KANK1: variants seen among roughly 807,000 people sequenced by gnomAD.
KANK1 encodes KN motif and ankyrin repeat domain-containing protein 1.
In KANK1, 109 loss-of-function variants were observed where a neutral mutation model predicts 106.2. That is an observed-to-expected ratio of 1.03 (90% CI 0.88 to 1.20). The LOEUF is 1.20. KANK1 is among the 50% of genes most tolerant of loss of function. The probability of loss-of-function intolerance (pLI) is 0.00; values close to 1 mark genes in which losing one functional copy is unlikely to be tolerated. For missense variants in KANK1, 2,399 were observed against 1,710.7 expected, an observed-to-expected ratio of 1.40 and a Z score of -7.10; for synonymous variants, 873 against 652.2, an observed-to-expected ratio of 1.34 and a Z score of -5.16.
intron 1 of KANK1, among the ~76,000 whole-genome samples, chr9:588,507 G>C (rs1824058670): frequency 6.6e-6 from 1 of 151,890 alleles, no homozygotes; most frequent in Non-Finnish European, 1.5e-5. Context: ...GGCCACACCA[G>C]TTTATAATCT....
At chr9:502,617 G>A (rs2058577081), upstream of KANK1, among the ~76,000 whole-genome samples, 4 of 151,722 alleles carry the variant, frequency 2.6e-5, no homozygotes, top group South Asian at 6.3e-4. Context: ...TCAGCTTCCC[G>A]GGTTCAAGGA....
chr9:744,387 G>A, intron 10 of KANK1, 104 bp from the exon 11 acceptor site: 1 of 1,327,376 alleles, frequency 7.5e-7, no homozygotes, highest in Non-Finnish European at 1.0e-6. Flanking sequence ...AGGGATATTT[G>A]GGGAACCTTG....
At chr9:718,935 T>C (rs894601543) in intron 3 of KANK1, among the ~76,000 whole-genome samples, 9 of 147,838 alleles carry the variant, frequency 6.1e-5, no homozygotes, top group African/African-American at 2.3e-4. Context: ...GCTTAAAGAG[T>C]GAATTCATGC....
At chr9:477,446 A>C (rs573910621) in intron 3 of KANK1, among the ~76,000 whole-genome samples, 1 of 152,338 alleles carries the variant, frequency 6.6e-6, no homozygotes, top group East Asian at 1.9e-4. Context: ...GGGTCAGAAC[A>C]ATGAACCTGA....
At chr9:471,151 G>C (rs1043985954) in intron 2 of KANK1, among the ~76,000 whole-genome samples, 3 of 152,216 alleles carry the variant, frequency 2.0e-5, no homozygotes, top group Admixed American at 1.3e-4. Context: ...CCCTGGATCT[G>C]ATCATCAATT....
At chr9:604,652 C>T (rs771222741) in intron 1 of KANK1, among the ~76,000 whole-genome samples, 16 of 151,650 alleles carry the variant, frequency 1.1e-4, no homozygotes, top group Non-Finnish European at 2.2e-4. Context: ...GCCAACATGG[C>T]GAAACCTGTC....
upstream of KANK1, among the ~76,000 whole-genome samples, chr9:501,609 G>GAC (rs1279436002): frequency 8.8e-5 from 11 of 125,266 alleles, no homozygotes; most frequent in Non-Finnish European, 1.2e-4. Context: ...CCCACGCACA[G>GAC]ACATACACAC....
At chr9:690,444 T>A (rs1195886907) in intron 2 of KANK1, among the ~76,000 whole-genome samples, 1 of 152,106 alleles carries the variant, frequency 6.6e-6, no homozygotes, top group Non-Finnish European at 1.5e-5. Flanking sequence ...TGACATAAGC[T>A]TCATCTGTAA....
chr9:699,928 G>A (rs528112331), intron 2 of KANK1, among the ~76,000 whole-genome samples: 119 of 152,300 alleles, frequency 7.8e-4, no homozygotes, highest in Admixed American at 1.2e-3. Flanking sequence ...GCTGCAGTGA[G>A]CTGTGATCGT....
At chr9:527,606 C>A (rs1445391796) in intron 1 of KANK1, among the ~76,000 whole-genome samples, 1 of 151,548 alleles carries the variant, frequency 6.6e-6, no homozygotes, top group African/African-American at 2.4e-5. Flanking sequence ...CGGCTGCTCT[C>A]TGGTCTTGGT....
chr9:490,069 C>G (rs1319278067), intron 3 of KANK1, among the ~76,000 whole-genome samples: 2 of 152,166 alleles, frequency 1.3e-5, no homozygotes, highest in African/African-American at 4.8e-5. Context: ...TAGGGTCACT[C>G]TCTGGGGAAA....
chr9:500,495 T>C (rs559004851), upstream of KANK1, among the ~76,000 whole-genome samples: 15 of 152,356 alleles, frequency 9.8e-5, no homozygotes, highest in African/African-American at 3.6e-4. Context: ...CTGCTGGCCC[T>C]ATGCTGATGA....
At chr9:487,734 T>G (rs78087067) in intron 3 of KANK1, 1 of 152,126 alleles carries the variant, frequency 6.6e-6, no homozygotes, top group Non-Finnish European at 1.5e-5. Flanking sequence ...GAAGTGTGGA[T>G]TGGAGTACTT....
At chr9:557,340 T>G (rs10975130) in intron 1 of KANK1, among the ~76,000 whole-genome samples, 1 of 152,060 alleles carries the variant, frequency 6.6e-6, no homozygotes, top group South Asian at 2.1e-4. Flanking sequence ...TGGCAAAATA[T>G]GTATCATTGT....
chr9:677,607 A>G (rs1261970854), intron 2 of KANK1: 1 of 152,282 alleles, frequency 6.6e-6, no homozygotes, highest in East Asian at 1.9e-4. Flanking sequence ...CACGAAATGC[A>G]GAGAAGATCC....
intron 1 of KANK1, among the ~76,000 whole-genome samples, chr9:543,748 A>T (rs185523742): frequency 1.3e-5 from 2 of 152,288 alleles, no homozygotes; most frequent in Admixed American, 6.5e-5. Context: ...TCCACTTGAA[A>T]AAACATAACT....
At position 713,215 on chromosome 9, in the gene KANK1, C is replaced by G; in HGVS notation, c.2449C>G (p.Leu817Val). Residue 817 changes from leucine to valine, a missense_variant, in exon 3 of 12, where the codon CTT becomes GTT. Leu to Val is a conservative substitution (Grantham distance 32). Transcript: ENST00000382297. ...SLENPQPQAP[L>V]GMMTGLDHYI... ...GGAGAACCCCCAGCCTCAAGCTCCACTTGGAATGATGACTGGCCTGGATCA... is the reference window on the plus strand; with the variant it reads ...GGAGAACCCCCAGCCTCAAGCTCCAGTTGGAATGATGACTGGCCTGGATCA... 2 of 1,594,392 alleles carry G rather than the reference C, an allele frequency of 1.3e-6. No homozygotes were observed. The highest frequency in any genetic ancestry group is 1.2e-5 in the South Asian group (1 of 86,924).
chr9:485,419 A>G (rs928874419), intron 3 of KANK1, among the ~76,000 whole-genome samples: 3 of 152,240 alleles, frequency 2.0e-5, no homozygotes, highest in African/African-American at 4.8e-5. Flanking sequence ...GAATATTTCT[A>G]TAATCACAAA....
At chr9:585,774 AC>A (rs199510993) in intron 1 of KANK1, among the ~76,000 whole-genome samples, 515 of 152,284 alleles carry the variant, frequency 3.4e-3, no homozygotes, top group African/African-American at 0.012. Context: ...TCTATGGGGA[AC>A]TGATGGGCAC....
Sources: gnomAD v4.1 joint callset for allele counts (sites outside exome capture counted in the v4.1 genomes callset) on GRCh38, gnomAD v4.1.1 for gene constraint, MANE v1.5 for transcripts, NCBI Gene and HGNC (gene_info 2026-07-23, HGNC 2026-07-21) for gene names.